PIGN: variants seen among roughly 807,000 people sequenced by gnomAD.
PIGN encodes GPI ethanolamine phosphate transferase 1.
In PIGN, 117 loss-of-function variants were observed where a neutral mutation model predicts 125.4. The observed-to-expected ratio is 0.93, with a 90% confidence interval of 0.80 to 1.09. The LOEUF (loss-of-function observed/expected upper bound fraction) is 1.09, where lower values mean the gene tolerates loss of function less well. PIGN is among the 50% of genes least tolerant of loss of function. PIGN has a pLI of 0.00. For synonymous variants in PIGN, 392 were observed against 377.8 expected, an observed-to-expected ratio of 1.04 and a Z score of -0.44; for missense variants, 1,075 against 1,094.9, an observed-to-expected ratio of 0.98 and a Z score of 0.26.
chr18:62,125,584 T>C (rs2035504473), intron 14 of PIGN, among the ~76,000 whole-genome samples: 1 of 152,062 alleles, frequency 6.6e-6, no homozygotes, highest in Admixed American at 6.6e-5. Flanking sequence ...ACTTTAAGGT[T>C]CTTTACAGTG....
At chr18:62,026,827 T>C (rs1224509048) in intron 23 of PIGN, among the ~76,000 whole-genome samples, 2 of 152,146 alleles carry the variant, frequency 1.3e-5, no homozygotes, top group Non-Finnish European at 2.9e-5. Context: ...CACAGAACAA[T>C]GTGGAGCCAT....
chr18:62,167,440 T>A (rs1040170250), intron 1 of PIGN, among the ~76,000 whole-genome samples: 3 of 151,348 alleles, frequency 2.0e-5, no homozygotes, highest in Non-Finnish European at 4.4e-5. Context: ...AAAACCAGCC[T>A]AGCCAACCTG....
chr18:62,039,429 T>C (rs1482571995), downstream of PIGN, among the ~76,000 whole-genome samples: 1 of 152,078 alleles, frequency 6.6e-6, no homozygotes, highest in East Asian at 1.9e-4. Flanking sequence ...TTTTACCTGA[T>C]GTCCTTTTCT....
chr18:62,121,202 T>C (rs544673566), intron 14 of PIGN, among the ~76,000 whole-genome samples: 8 of 152,186 alleles, frequency 5.3e-5, no homozygotes, highest in Non-Finnish European at 1.2e-4. Context: ...CAGGGATATT[T>C]CTGAAGAAGA....
chr18:62,046,429 G>A (rs891873725), intron 30 of PIGN, among the ~76,000 whole-genome samples: 1 of 131,360 alleles, frequency 7.6e-6, no homozygotes, highest in African/African-American at 2.7e-5. Flanking sequence ...ATCAGCGGCA[G>A]CATTAGATTC....
At chr18:62,119,598 C>T (rs1232174284) in intron 14 of PIGN, among the ~76,000 whole-genome samples, 1 of 152,032 alleles carries the variant, frequency 6.6e-6, no homozygotes, top group Non-Finnish European at 1.5e-5. Flanking sequence ...AATCCCAACA[C>T]TTTGGGAGGC....
intron 23 of PIGN, among the ~76,000 whole-genome samples, chr18:62,027,238 G>C (rs748589863): frequency 6.6e-6 from 1 of 152,120 alleles, no homozygotes; most frequent in Non-Finnish European, 1.5e-5. Flanking sequence ...GAGAGGAGAA[G>C]ATCCCTTGAG....
At chr18:62,028,698 G>A (rs1013826914) in intron 23 of PIGN, among the ~76,000 whole-genome samples, 1 of 152,170 alleles carries the variant, frequency 6.6e-6, no homozygotes, top group Non-Finnish European at 1.5e-5. Flanking sequence ...GAGTTTTCTC[G>A]AATAAGAGAT....
intron 14 of PIGN, among the ~76,000 whole-genome samples, chr18:62,118,346 G>C (rs1386670168): frequency 6.7e-6 from 1 of 149,184 alleles, no homozygotes; most frequent in East Asian, 2.0e-4. Context: ...AGAAGCTTTG[G>C]GCATAGCAAT....
intron 30 of PIGN, chr18:62,070,118 T>C: frequency 3.5e-6 from 1 of 283,834 alleles, no homozygotes; most frequent in Admixed American, 5.2e-5. Flanking sequence ...ATGCTTTATA[T>C]AAATTAATTC....
At chr18:62,179,793 A>AT (rs1176585441) in intron 1 of PIGN, among the ~76,000 whole-genome samples, 1 of 152,144 alleles carries the variant, frequency 6.6e-6, no homozygotes, top group African/African-American at 2.4e-5. Context: ...GTCATTCTAC[A>AT]AGATTACATT....
At chr18:62,056,284 G>T (rs1045110597) in intron 30 of PIGN, among the ~76,000 whole-genome samples, 2 of 151,810 alleles carry the variant, frequency 1.3e-5, no homozygotes, top group Admixed American at 1.3e-4. Flanking sequence ...CAACGGAAGA[G>T]AACAGATCAT....
Position 62,079,229 on chromosome 18 carries a change from G to T in PIGN, c.2576+3444C>A, listed in dbSNP as rs139682564. Reference sequence around the variant, plus strand: ...GCATAAATTGCTTCTCCTTAGAGAAGTCTCCCTGAATCACTTCATTTTTTC... The same window carrying T: ...GCATAAATTGCTTCTCCTTAGAGAATTCTCCCTGAATCACTTCATTTTTTC... On this transcript the variant is annotated intron_variant, in intron 28 of 30. Transcript: ENST00000640252. 4.3e-3 allele frequency among the ~76,000 whole-genome samples: 648 copies of T among 152,332 alleles called. 6 individuals carry two copies. Among genetic ancestry groups the T allele is most frequent in the South Asian group, 0.026 (126 of 4,830 alleles).
chr18:62,051,572 T>C (rs949809834), intron 30 of PIGN, among the ~76,000 whole-genome samples: 11 of 152,254 alleles, frequency 7.2e-5, no homozygotes, highest in African/African-American at 2.4e-4. Flanking sequence ...TTTTATTGCG[T>C]CTATTTGATT....
chr18:62,125,829 A>C (rs1287452196), intron 14 of PIGN, among the ~76,000 whole-genome samples: 1 of 152,126 alleles, frequency 6.6e-6, no homozygotes, highest in Non-Finnish European at 1.5e-5. Context: ...AAAGTTATAA[A>C]ACTAGAATAA....
chr18:62,052,472 CT>C (rs1267271213), intron 30 of PIGN: 2 of 147,722 alleles, frequency 1.4e-5, no homozygotes, highest in East Asian at 3.9e-4. Context: ...TTCTTTGTCT[CT>C]TTTGATCTTT....
At chr18:62,140,237 C>T (rs183651051) in intron 12 of PIGN, among the ~76,000 whole-genome samples, 183 bp downstream of exon 12, 79 of 151,998 alleles carry the variant, frequency 5.2e-4, no homozygotes, top group African/African-American at 1.8e-3. Flanking sequence ...ATCCCAGACA[C>T]TTGGGAGGCT....
chr18:62,033,304 T>A (rs1424726032), intron 23 of PIGN, among the ~76,000 whole-genome samples: 1 of 152,112 alleles, frequency 6.6e-6, no homozygotes, highest in East Asian at 1.9e-4. Context: ...ATAAAATCAC[T>A]GGATTTGTAA....
chr18:62,143,805 G>C (rs1225639775), intron 10 of PIGN, among the ~76,000 whole-genome samples: 1 of 152,264 alleles, frequency 6.6e-6, no homozygotes, highest in African/African-American at 2.4e-5. Context: ...TGATGTTCCT[G>C]TAGTCACTAA....
Sources: allele counts gnomAD v4.1 joint callset (sites outside exome capture counted in the v4.1 genomes callset), GRCh38; gene constraint gnomAD v4.1.1; transcripts MANE v1.5; gene names NCBI Gene and HGNC (gene_info 2026-07-23, HGNC 2026-07-21).